The following ZMYM4 variants were observed in gnomAD, a reference collection of about 807,000 sequenced individuals.
ZMYM4 encodes the protein zinc finger MYM-type protein 4.
In ZMYM4, 31 loss-of-function variants were observed where a neutral mutation model predicts 183.2. The observed-to-expected ratio is 0.17, with a 90% CI of 0.13 to 0.23. ZMYM4 has a LOEUF of 0.23. Ranked by LOEUF, ZMYM4 falls within the 10% of genes least tolerant of loss-of-function variation. The probability of loss-of-function intolerance (pLI) is 1.00; values close to 1 mark genes in which losing one functional copy is unlikely to be tolerated. For missense variants in ZMYM4, 1,273 were observed against 1,840.3 expected, an observed-to-expected ratio of 0.69 and a Z score of 5.64; for synonymous variants, 592 against 631.2, an observed-to-expected ratio of 0.94 and a Z score of 0.93.
intron 23 of ZMYM4, among the ~76,000 whole-genome samples, chr1:35,400,696 A>T (rs537024271): frequency 6.6e-6 from 1 of 152,196 alleles, no homozygotes; most frequent in Admixed American, 6.5e-5. Context: ...TGTATATGTT[A>T]TGTAATTCCC....
intron 1 of ZMYM4, among the ~76,000 whole-genome samples, chr1:35,276,468 A>T (rs897337303): frequency 1.3e-5 from 2 of 152,152 alleles, no homozygotes; most frequent in Non-Finnish European, 2.9e-5. Flanking sequence ...GAGTTCCTTA[A>T]TCCAGTCTGT....
chr1:35,327,317 C>T (rs1317661202), intron 2 of ZMYM4, among the ~76,000 whole-genome samples: 1 of 152,196 alleles, frequency 6.6e-6, no homozygotes, highest in Non-Finnish European at 1.5e-5. Flanking sequence ...TTCCCATACA[C>T]ATCTTTGTAT....
At chr1:35,336,055 A>G (rs1202446565) in intron 2 of ZMYM4, among the ~76,000 whole-genome samples, 2 of 152,238 alleles carry the variant, frequency 1.3e-5, no homozygotes, top group Non-Finnish European at 2.9e-5. Flanking sequence ...TCATCCTGCA[A>G]AAGTGAAACT....
intron 1 of ZMYM4, among the ~76,000 whole-genome samples, chr1:35,299,329 CACAA>C (rs1641165961): frequency 1.3e-5 from 2 of 152,024 alleles, no homozygotes; most frequent in African/African-American, 2.4e-5. Flanking sequence ...GGACAAAACA[CACAA>C]ACAAAGCGGG....
chr1:35,352,386 GCACACACACACACACACACACACACACA>G, intron 2 of ZMYM4, among the ~76,000 whole-genome samples: 1 of 128,472 alleles, frequency 7.8e-6, no homozygotes, highest in South Asian at 2.5e-4. Flanking sequence ...AAAAATTAGC[GCACACACACACACACACACACACACACA>G]CACACACACA....
intron 29 of ZMYM4, among the ~76,000 whole-genome samples, chr1:35,418,817 C>G (rs1454498928): frequency 6.6e-6 from 1 of 152,276 alleles, no homozygotes; most frequent in East Asian, 1.9e-4. Context: ...ATCTTTACAA[C>G]TGTTGTACAA....
chr1:35,285,728 G>A (rs1370380946), intron 1 of ZMYM4, among the ~76,000 whole-genome samples: 1 of 152,192 alleles, frequency 6.6e-6, no homozygotes, highest in Non-Finnish European at 1.5e-5. Flanking sequence ...AGGGACTTGA[G>A]CATTCAAGGA....
intron 7 of ZMYM4, among the ~76,000 whole-genome samples, chr1:35,376,532 CTTT>C (rs72448948): frequency 6.7e-6 from 1 of 149,754 alleles, no homozygotes; most frequent in African/African-American, 2.4e-5. Context: ...ATTTATACTT[CTTT>C]TTTTTTTGAG....
At chr1:35,269,160 G>A (rs932771097) in intron 1 of ZMYM4, 75 bp downstream of exon 1, 2 of 1,528,692 alleles carry the variant, frequency 1.3e-6, no homozygotes, top group Admixed American at 2.0e-5. Context: ...CCATACTCAG[G>A]TTCGTGGAGG....
chr1:35,376,997 C>T (rs570855913), intron 7 of ZMYM4, among the ~76,000 whole-genome samples: 2 of 152,158 alleles, frequency 1.3e-5, no homozygotes, highest in South Asian at 2.1e-4. Flanking sequence ...ACTTCCGCCT[C>T]CCAGGTTCAA....
At chr1:35,330,665 A>C (rs1642701895) in intron 2 of ZMYM4, among the ~76,000 whole-genome samples, 1 of 152,198 alleles carries the variant, frequency 6.6e-6, no homozygotes, top group Non-Finnish European at 1.5e-5. Flanking sequence ...TTGTGTACAT[A>C]GTGTCTGCTG....
intron 2 of ZMYM4, among the ~76,000 whole-genome samples, chr1:35,353,869 C>T (rs1176718938): frequency 6.6e-6 from 1 of 151,936 alleles, no homozygotes; most frequent in African/African-American, 2.4e-5. Flanking sequence ...ATCTCTGAGG[C>T]CAGGTGCAGT....
At chr1:35,319,117 T>A (rs1369615854) in intron 1 of ZMYM4, among the ~76,000 whole-genome samples, 2 of 152,120 alleles carry the variant, frequency 1.3e-5, no homozygotes, top group Admixed American at 1.3e-4. Context: ...CGACCTCAGG[T>A]GATCAGCCCG....
intron 1 of ZMYM4, among the ~76,000 whole-genome samples, chr1:35,270,339 T>G (rs142621184): frequency 1.1e-3 from 170 of 152,330 alleles, no homozygotes; most frequent in South Asian, 2.1e-3. Context: ...AAATTGTAAA[T>G]GACCAAAGAA....
At chr1:35,300,065 GATTACAGGC>G (rs138771502) in intron 1 of ZMYM4, among the ~76,000 whole-genome samples, 4,864 of 152,208 alleles carry the variant, frequency 0.032, 236 homozygotes, top group East Asian at 0.23. Context: ...AAAGTGCTGG[GATTACAGGC>G]ATGAGCCACT....
chr1:35,269,840 T>C (rs1225662395), intron 1 of ZMYM4, among the ~76,000 whole-genome samples: 1 of 152,152 alleles, frequency 6.6e-6, no homozygotes, highest in Non-Finnish European at 1.5e-5. Context: ...TTCTGAGTGG[T>C]TTTTTTCAGA....
intron 4 of ZMYM4, 108 bp from the exon 5 acceptor site, chr1:35,361,511 A>ATG: frequency 7.8e-7 from 1 of 1,275,924 alleles, no homozygotes; most frequent in Non-Finnish European, 1.1e-6. Context: ...AAGCTAATGA[A>ATG]TGTCCATAGA....
rs1471739836 is a variant in ZMYM4, at chr1:35,419,522, T to A, written c.4492T>A (p.Ser1498Thr). 1 of 1,614,052 alleles carries A rather than the reference T, an allele frequency of 6.2e-7. No individual in the cohort carries two copies. The highest frequency in any genetic ancestry group is 1.1e-5 in the South Asian group (1 of 91,068). Residue 1498 changes from serine (S) to threonine (T), a missense_variant, in exon 30 of 30, where the codon TCC becomes ACC. Physicochemically the swap from Ser to Thr is moderately conservative, Grantham distance 58. Coordinates refer to ENST00000314607, the MANE Select transcript of ZMYM4 (RefSeq NM_005095.3). ...TGTGTTTTACCTTCAACCTGAGCGC[T>A]CCTGTGTCCCGAATAGCCCCATGTG... Reference protein sequence around the residue: ...NDVFYLQPERSCVPNSPMWYS... With the variant: ...NDVFYLQPERTCVPNSPMWYS...
chr1:35,350,488 T>A lies in ZMYM4; in HGVS notation c.86-8437T>A, dbSNP rs532057490. 3.9e-5 allele frequency among the ~76,000 whole-genome samples: 6 copies of A among 152,306 alleles called. No homozygotes were observed. In the South Asian group the frequency reaches 1.0e-3, roughly 26 times the overall value. On this transcript the variant is annotated intron_variant, in intron 2 of 29. Coordinates refer to ENST00000314607, the MANE Select transcript of ZMYM4 (RefSeq NM_005095.3). ...ATTTTTAGTAAGTGGGGTTTTGCCA[T>A]GTTGGCTAGGCTGGTCTCGAACTCC...
Sources: gnomAD v4.1 joint callset for allele counts (sites outside exome capture counted in the v4.1 genomes callset) on GRCh38, gnomAD v4.1.1 for gene constraint, MANE v1.5 for transcripts, NCBI Gene and HGNC (gene_info 2026-07-23, HGNC 2026-07-21) for gene names.